Variants in MEGF11 observed in about 807,000 individuals in gnomAD.
MEGF11 encodes multiple EGF like domains 11, also known as multiple epidermal growth factor-like domains protein 11.
A neutral mutation model predicts 146.6 loss-of-function variants in MEGF11; 126 were observed. The observed-to-expected ratio is 0.86, with a 90% CI of 0.74 to 1.00. The LOEUF (loss-of-function observed/expected upper bound fraction) is 1.00, where lower values mean the gene tolerates loss of function less well. MEGF11 is among the 50% of genes least tolerant of loss of function. The pLI is 0.00. For missense variants in MEGF11, 1,509 were observed against 1,521.2 expected (o/e 0.99, Z 0.13); for synonymous variants, 532 against 583.4 (o/e 0.91, Z 1.27).
intron 1 of MEGF11, among the ~76,000 whole-genome samples, chr15:66,253,021 G>C (rs1055792005): frequency 1.3e-5 from 2 of 152,238 alleles, no homozygotes; most frequent in Non-Finnish European, 2.9e-5. Flanking sequence ...GAAATAGGGG[G>C]ATACACGTTC....
intron 1 of MEGF11, among the ~76,000 whole-genome samples, chr15:66,173,401 C>T (rs1259761484): frequency 6.6e-6 from 1 of 152,092 alleles, no homozygotes; most frequent in Admixed American, 6.5e-5. Flanking sequence ...CTGCAACTTC[C>T]TCCTCCCGGT....
chr15:66,247,065 A>T (rs1182601464), intron 1 of MEGF11, among the ~76,000 whole-genome samples: 1 of 152,130 alleles, frequency 6.6e-6, no homozygotes, highest in Non-Finnish European at 1.5e-5. Flanking sequence ...AGCAAGAGGA[A>T]GCAAGTTGGG....
intron 10 of MEGF11, among the ~76,000 whole-genome samples, chr15:65,931,527 G>A (rs1195810390): frequency 1.3e-5 from 2 of 152,204 alleles, no homozygotes; most frequent in Non-Finnish European, 2.9e-5. Flanking sequence ...AATTTGTGCT[G>A]TTTGAAGCCA....
chr15:66,130,192 G>T (rs1300063022), intron 1 of MEGF11, among the ~76,000 whole-genome samples: 1 of 152,190 alleles, frequency 6.6e-6, no homozygotes, highest in East Asian at 1.9e-4. Flanking sequence ...GAAAGAGCCT[G>T]CCCGGGACAT....
chr15:66,220,385 G>A (rs2091703144), intron 1 of MEGF11, among the ~76,000 whole-genome samples: 2 of 152,046 alleles, frequency 1.3e-5, no homozygotes, highest in Admixed American at 6.5e-5. Context: ...AGCCAGTCTC[G>A]AGAGATTACT....
At chr15:66,120,738 C>T (rs1048949188) in intron 3 of MEGF11, among the ~76,000 whole-genome samples, 4 of 152,152 alleles carry the variant, frequency 2.6e-5, no homozygotes, top group South Asian at 2.1e-4. Flanking sequence ...AGGCAGCTCC[C>T]GACAGTTTCA....
In MEGF11 at chr15:65,909,708, A is replaced by G. The variant is rs549019509; in HGVS notation, c.2896+32T>C. The G allele has an allele frequency of 5.8e-6, 9 of 1,539,110 alleles. No individual in the cohort carries two copies. In the East Asian group the frequency reaches 9.6e-5, roughly 16 times the overall value. On this transcript the variant is annotated intron_variant, in intron 22 of 25. Transcript: ENST00000395614. ...TGGAAGAAGAATAGGGTGGGACATG[A>G]TGGTGGGGACCAGACTCACACCACT...
At chr15:65,941,164 C>G (rs1360638200) in intron 10 of MEGF11, among the ~76,000 whole-genome samples, 1 of 152,168 alleles carries the variant, frequency 6.6e-6, no homozygotes, top group Non-Finnish European at 1.5e-5. Context: ...GCCTGTAATC[C>G]CAGCACTTTG....
intron 5 of MEGF11, among the ~76,000 whole-genome samples, chr15:66,041,218 A>G (rs753755789): frequency 6.6e-6 from 1 of 152,184 alleles, no homozygotes; most frequent in Non-Finnish European, 1.5e-5. Context: ...CTGGGCACGG[A>G]ACAGGTCTTT....
chr15:66,133,449 C>A (rs990643993), intron 1 of MEGF11, among the ~76,000 whole-genome samples: 3 of 152,204 alleles, frequency 2.0e-5, no homozygotes, highest in African/African-American at 7.2e-5. Context: ...AGCTTTCTAT[C>A]TTCTAATTAT....
intron 5 of MEGF11, among the ~76,000 whole-genome samples, chr15:66,071,038 C>G (rs1048988367): frequency 3.3e-5 from 5 of 151,930 alleles, no homozygotes; most frequent in African/African-American, 1.2e-4. Flanking sequence ...TTAGAGACTG[C>G]GTTGTCCCAT....
At chr15:66,134,682 A>G (rs2088810510) in intron 1 of MEGF11, among the ~76,000 whole-genome samples, 1 of 152,264 alleles carries the variant, frequency 6.6e-6, no homozygotes, top group African/African-American at 2.4e-5. Flanking sequence ...CATTCCTTAA[A>G]CAACAAGGTG....
At chr15:66,095,788 T>A (rs6494551) in intron 4 of MEGF11, among the ~76,000 whole-genome samples, 1 of 152,130 alleles carries the variant, frequency 6.6e-6, no homozygotes, top group Non-Finnish European at 1.5e-5. Context: ...AGATCCCTAG[T>A]ACCTGGGTCC....
chr15:66,046,710 G>A (rs2084219334), intron 5 of MEGF11, among the ~76,000 whole-genome samples: 1 of 152,210 alleles, frequency 6.6e-6, no homozygotes, highest in Non-Finnish European at 1.5e-5. Context: ...CCAGAGCAGT[G>A]ATGAGGAGAG....
chr15:65,901,304 C>CT (rs1472032001), intron 24 of MEGF11, among the ~76,000 whole-genome samples: 1 of 151,508 alleles, frequency 6.6e-6, no homozygotes, highest in Non-Finnish European at 1.5e-5. Flanking sequence ...TAAAGAAAGG[C>CT]TATTGCACCT....
At chr15:66,096,767 G>C (rs755808016) in intron 4 of MEGF11, among the ~76,000 whole-genome samples, 2 of 152,148 alleles carry the variant, frequency 1.3e-5, no homozygotes, top group East Asian at 1.9e-4. Flanking sequence ...CCCTGCTCCC[G>C]ATCCTAGAGA....
Position 65,928,465 on chromosome 15 carries a change from G to T in MEGF11, c.1635C>A (p.Asp545Glu). The T allele has an allele frequency of 6.2e-7, 1 of 1,604,930 alleles. No individual in the cohort carries two copies. The highest frequency in any genetic ancestry group is 8.5e-7 in the Non-Finnish European group (1 of 1,174,650). Residue 545 changes from aspartate to glutamate, a missense_variant, in exon 13 of 26, where the codon GAC becomes GAA. Asp to Glu is a conservative substitution (Grantham distance 45). Coordinates refer to ENST00000395614, the MANE Select transcript of MEGF11 (RefSeq NM_001385028.1). Reference sequence around the variant, plus strand: ...GGCAGCAGCAGTGGCCTGTGACGGGGTCACATCCATCAGCATGGCTGCAGT... The same window carrying T: ...GGCAGCAGCAGTGGCCTGTGACGGGTTCACATCCATCAGCATGGCTGCAGT... ...HCDCSHADGC[D>E]PVTGHCCCLA...
chr15:66,032,169 T>C (rs1009780347), intron 5 of MEGF11, among the ~76,000 whole-genome samples: 1 of 152,230 alleles, frequency 6.6e-6, no homozygotes, highest in African/African-American at 2.4e-5. Flanking sequence ...CAAAAAAGGC[T>C]GGGGATTGCT....
intron 10 of MEGF11, among the ~76,000 whole-genome samples, chr15:65,957,288 C>G (rs1040884934): frequency 6.6e-6 from 1 of 152,228 alleles, no homozygotes; most frequent in Non-Finnish European, 1.5e-5. Context: ...AGGATATGGA[C>G]AGGCAGGAGC....
Sources: gnomAD v4.1 joint callset for allele counts (sites outside exome capture counted in the v4.1 genomes callset) on GRCh38, gnomAD v4.1.1 for gene constraint, MANE v1.5 for transcripts, NCBI Gene and HGNC (gene_info 2026-07-23, HGNC 2026-07-21) for gene names.